The following THSD7B variants were observed in gnomAD, a reference collection of about 807,000 sequenced individuals.
THSD7B encodes thrombospondin type 1 domain containing 7B.
Under a neutral mutation model 213.6 loss-of-function variants are expected in THSD7B, and 138 were observed. The observed-to-expected ratio is 0.65, with a 90% confidence interval of 0.56 to 0.74. The LOEUF is 0.74. THSD7B is among the 30% of genes least tolerant of loss of function. The pLI is 0.00. For synonymous variants in THSD7B, 742 were observed against 687.0 expected (o/e 1.08, Z -1.25); for missense variants, 1,931 against 1,991.5 (o/e 0.97, Z 0.58).
rs973705791 is a variant in THSD7B, at chr2:137,366,471, G to A, written c.2501-39142G>A. 1.3e-5 allele frequency among the ~76,000 whole-genome samples: 2 copies of A among 151,964 alleles called. 1 individual carries two copies. The highest frequency in any genetic ancestry group is 1.3e-4 in the Admixed American group (2 of 15,228). On this transcript the variant is annotated intron_variant, in intron 12 of 27. Transcript: ENST00000409968. ...ATGCCTTGCTTTACATGTGTATTCAGACTTTTGGGAAGGATCAAATAAGAG... is the reference window on the plus strand; with the variant it reads ...ATGCCTTGCTTTACATGTGTATTCAAACTTTTGGGAAGGATCAAATAAGAG...
chr2:137,068,530 A>G (rs948903799), intron 3 of THSD7B, among the ~76,000 whole-genome samples: 11 of 152,078 alleles, frequency 7.2e-5, no homozygotes, highest in African/African-American at 2.7e-4. Flanking sequence ...TTGATGAACT[A>G]TGTTGGCATA....
chr2:137,610,680 A>G (rs1326694924), intron 17 of THSD7B, among the ~76,000 whole-genome samples: 2 of 152,074 alleles, frequency 1.3e-5, no homozygotes, highest in Non-Finnish European at 2.9e-5. Flanking sequence ...GCAGACACCA[A>G]CCTAACTCCA....
intron 9 of THSD7B, among the ~76,000 whole-genome samples, 184 bp downstream of exon 9, chr2:137,233,317 T>C (rs1273291883): frequency 1.3e-5 from 2 of 152,236 alleles, no homozygotes; most frequent in Non-Finnish European, 2.9e-5. Context: ...GTTTATGATA[T>C]ATATCACTGG....
intron 2 of THSD7B, among the ~76,000 whole-genome samples, chr2:136,944,218 C>G (rs1431448383): frequency 1.3e-5 from 2 of 152,134 alleles, no homozygotes; most frequent in African/African-American, 4.8e-5. Context: ...ATCCTGAGTT[C>G]TAATTTGATT....
chr2:137,035,793 A>G (rs1686763414), intron 2 of THSD7B, among the ~76,000 whole-genome samples: 1 of 152,170 alleles, frequency 6.6e-6, no homozygotes, highest in Non-Finnish European at 1.5e-5. Context: ...GGGCTTTGAT[A>G]TGCCTCAATG....
chr2:136,801,381 T>C (rs1682175042), intron 1 of THSD7B, among the ~76,000 whole-genome samples: 1 of 151,988 alleles, frequency 6.6e-6, no homozygotes, highest in African/African-American at 2.4e-5. Flanking sequence ...AAGTTCAACT[T>C]CCATTCTGTA....
intron 20 of THSD7B, 108 bp from the exon 21 acceptor site, chr2:137,642,380 T>A: frequency 7.5e-7 from 1 of 1,327,672 alleles, no homozygotes; most frequent in Non-Finnish European, 1.0e-6. Flanking sequence ...TAGGACAGAG[T>A]TCAGTCTATT....
intron 12 of THSD7B, among the ~76,000 whole-genome samples, chr2:137,391,600 C>A (rs563483628): frequency 6.6e-6 from 1 of 151,870 alleles, no homozygotes; most frequent in Non-Finnish European, 1.5e-5. Flanking sequence ...GGCAGGAGAA[C>A]CACTTGAACC....
chr2:137,160,579 CA>C (rs1336189953), intron 6 of THSD7B, among the ~76,000 whole-genome samples: 3 of 152,180 alleles, frequency 2.0e-5, no homozygotes, highest in Non-Finnish European at 4.4e-5. Flanking sequence ...CAGTTAGACT[CA>C]TAGCTGACTA....
intron 1 of THSD7B, among the ~76,000 whole-genome samples, chr2:136,796,525 G>A (rs1223033185): frequency 2.0e-5 from 3 of 151,968 alleles, no homozygotes; most frequent in Non-Finnish European, 4.4e-5. Context: ...AACCTTTTCA[G>A]AGGGGATTAT....
chr2:137,110,247 G>C (rs1688324230), intron 4 of THSD7B, among the ~76,000 whole-genome samples: 1 of 152,142 alleles, frequency 6.6e-6, no homozygotes, highest in African/African-American at 2.4e-5. Context: ...CTGTGTCTCT[G>C]TTGTCCTCGG....
At chr2:137,051,431 G>A (rs9973746) in intron 2 of THSD7B, among the ~76,000 whole-genome samples, 64,246 of 152,080 alleles carry the variant, frequency 0.42, 17,077 homozygotes, top group African/African-American at 0.75. Context: ...TAAGAGAGGT[G>A]TTATTTTAAT....
intron 3 of THSD7B, among the ~76,000 whole-genome samples, chr2:137,065,666 TTTGA>T (rs1037696517): frequency 2.7e-4 from 39 of 145,788 alleles, no homozygotes; most frequent in African/African-American, 1.0e-3. Context: ...TTTTATGTTG[TTTGA>T]TTTTTTTCTT....
intron 9 of THSD7B, among the ~76,000 whole-genome samples, chr2:137,237,873 T>C (rs1226029362): frequency 6.6e-6 from 1 of 152,208 alleles, no homozygotes; most frequent in African/African-American, 2.4e-5. Flanking sequence ...ACAATTTCCA[T>C]TGCAACAAAA....
intron 1 of THSD7B, among the ~76,000 whole-genome samples, chr2:136,833,303 C>T (rs1192824908): frequency 8.4e-5 from 3 of 35,748 alleles, no homozygotes; most frequent in African/African-American, 1.6e-4. Context: ...AGGTGGAGCT[C>T]GCAGGAGCTG....
intron 15 of THSD7B, among the ~76,000 whole-genome samples, chr2:137,502,365 GAA>G (rs886909936): frequency 3.9e-5 from 6 of 151,956 alleles, no homozygotes; most frequent in African/African-American, 1.2e-4. Context: ...CATATAAAGA[GAA>G]AGAGAGAGAG....
At chr2:137,086,261 C>G (rs1194770386) in intron 3 of THSD7B, among the ~76,000 whole-genome samples, 1 of 151,932 alleles carries the variant, frequency 6.6e-6, no homozygotes, top group Non-Finnish European at 1.5e-5. Context: ...CACTTGAACC[C>G]AGGAGGCAGA....
Position 137,616,229 on chromosome 2 carries a change from C to G in THSD7B, c.3478C>G (p.Leu1160Val). The change falls in exon 18 of 28, where the codon CTG (leucine) becomes GTG (valine). Residue 1160 changes from leucine (L) to valine (V), a missense_variant. Transcript: ENST00000409968. ...AACTCGCCACCTGCTAAGACCATCA[C>G]TGAACTCAAGGACTTGTGCTGAAGA... is the stretch of plus-strand genomic sequence containing the variant. Reference protein sequence around the residue: ...RRTRHLLRPSLNSRTCAEDSQ... With the variant: ...RRTRHLLRPSVNSRTCAEDSQ... The G allele has an allele frequency of 6.2e-7, 1 of 1,613,892 alleles. No individual in the cohort carries two copies. The highest frequency in any genetic ancestry group is 8.5e-7 in the Non-Finnish European group (1 of 1,179,810).
chr2:137,614,075 C>CTATGGGAAGAATCCT, intron 17 of THSD7B, among the ~76,000 whole-genome samples: 1 of 152,140 alleles, frequency 6.6e-6, no homozygotes, highest in South Asian at 2.1e-4. Flanking sequence ...ATCCTCTTTG[C>CTATGGGAAGAATCCT]CTGTTTCTAT....
Sources: gnomAD v4.1 joint callset for allele counts (sites outside exome capture counted in the v4.1 genomes callset) on GRCh38, gnomAD v4.1.1 for gene constraint, MANE v1.5 for transcripts, NCBI Gene and HGNC (gene_info 2026-07-23, HGNC 2026-07-21) for gene names.